The following DZIP1L variants were observed in gnomAD, a reference collection of about 807,000 sequenced individuals.
DZIP1L encodes DAZ interacting zinc finger protein 1 like.
In DZIP1L, 90 loss-of-function variants were observed where a neutral mutation model predicts 88.7. That is an observed-to-expected ratio of 1.02 (90% CI 0.86 to 1.21). DZIP1L has a LOEUF of 1.21. Among genes scored for constraint, DZIP1L ranks in the 50% most tolerant of loss-of-function variants. DZIP1L has a pLI of 0.00. For synonymous variants in DZIP1L, 363 were observed against 372.1 expected (o/e 0.98, Z 0.28); for missense variants, 932 against 955.8 (o/e 0.98, Z 0.33).
chr3:138,077,909 A>C (rs1397292424), intron 10 of DZIP1L, among the ~76,000 whole-genome samples: 1 of 152,180 alleles, frequency 6.6e-6, no homozygotes, highest in African/African-American at 2.4e-5. Flanking sequence ...CCAGGTGATA[A>C]ACTGGTGGAC....
chr3:138,078,156 T>C (rs1377986841), intron 10 of DZIP1L, among the ~76,000 whole-genome samples: 1 of 152,212 alleles, frequency 6.6e-6, no homozygotes, highest in Non-Finnish European at 1.5e-5. Flanking sequence ...AATACTGACC[T>C]GAGGCTAGCA....
intron 2 of DZIP1L, among the ~76,000 whole-genome samples, chr3:138,099,830 G>T (rs1944643844): frequency 6.6e-6 from 1 of 152,136 alleles, no homozygotes; most frequent in African/African-American, 2.4e-5. Context: ...CCCTCATCAG[G>T]TGCCCAGTCT....
intron 1 of DZIP1L, among the ~76,000 whole-genome samples, chr3:138,114,515 G>A (rs924210985): frequency 5.9e-5 from 9 of 152,162 alleles, no homozygotes; most frequent in Non-Finnish European, 1.3e-4. Flanking sequence ...CCTCACATCC[G>A]GGAGGGGGAG....
chr3:138,102,803 A>T, intron 2 of DZIP1L: 2 of 744,496 alleles, frequency 2.7e-6, no homozygotes, highest in Non-Finnish European at 5.0e-6. Context: ...CCCACTCAGG[A>T]GAAGCTCAAG....
At chr3:138,097,683 A>G (rs1391239678) in intron 3 of DZIP1L, 80 bp downstream of exon 3, 1 of 1,320,562 alleles carries the variant, frequency 7.6e-7, no homozygotes, top group African/African-American at 1.5e-5. Flanking sequence ...TGGGTGCTAT[A>G]GGTGGTCACC....
chr3:138,101,646 GC>G (rs1419641915), intron 2 of DZIP1L: 3 of 790,606 alleles, frequency 3.8e-6, no homozygotes, highest in Non-Finnish European at 6.8e-6. Context: ...GGCTTGTGAG[GC>G]CCCCATAGGC....
intron 5 of DZIP1L, chr3:138,088,811 A>G (rs1034927078): frequency 2.1e-5 from 22 of 1,030,026 alleles, no homozygotes; most frequent in Admixed American, 5.5e-5. Flanking sequence ...CTGCTGCCCC[A>G]TTTCTTCCTC....
chr3:138,105,955 C>A (rs1314862996), intron 1 of DZIP1L, among the ~76,000 whole-genome samples: 2 of 151,876 alleles, frequency 1.3e-5, no homozygotes, highest in South Asian at 4.2e-4. Context: ...CACTTTCTAC[C>A]TCTCTGTACT....
At chr3:138,081,348 G>A (rs1943638848) in intron 9 of DZIP1L, among the ~76,000 whole-genome samples, 1 of 152,154 alleles carries the variant, frequency 6.6e-6, no homozygotes, top group African/African-American at 2.4e-5. Context: ...ATTCACATGG[G>A]GTTGGGGTCA....
At chr3:138,070,705 T>A (rs1170511016) in intron 12 of DZIP1L, among the ~76,000 whole-genome samples, 1 of 152,156 alleles carries the variant, frequency 6.6e-6, no homozygotes, top group African/African-American at 2.4e-5. Flanking sequence ...CTCTGCAAAA[T>A]TTTTTTGCAT....
intron 11 of DZIP1L, 129 bp from the exon 12 acceptor site, chr3:138,071,964 G>GT: frequency 1.1e-6 from 1 of 876,686 alleles, no homozygotes. Flanking sequence ...TTGCAGGACT[G>GT]GGGGGCATGA....
At chr3:138,097,192 AAAG>A in intron 3 of DZIP1L, among the ~76,000 whole-genome samples, 1 of 152,140 alleles carries the variant, frequency 6.6e-6, no homozygotes, top group South Asian at 2.1e-4. Flanking sequence ...AAAAAAAAAA[AAAG>A]AAAAGAAAAG....
chr3:138,099,537 T>A (rs1473076794), intron 2 of DZIP1L, among the ~76,000 whole-genome samples: 1 of 152,194 alleles, frequency 6.6e-6, no homozygotes, highest in Non-Finnish European at 1.5e-5. Flanking sequence ...CTACTATTGT[T>A]TGAATGTTTG....
chr3:138,103,811 G>A lies in DZIP1L; in HGVS notation c.161C>T (p.Thr54Ile). Residue 54 changes from threonine (T) to isoleucine (I), a missense_variant, in exon 2 of 16, where the codon ACT becomes ATT. Transcript: ENST00000327532. The part of the protein sequence containing the change: ...DRVARELDVA[T>I]LQENIAGITF... Reference sequence around the variant, plus strand: ...GATGCCAGCAATATTCTCCTGCAGAGTGGCCACATCCAGTTCCCGGGCCAC... The same window carrying A: ...GATGCCAGCAATATTCTCCTGCAGAATGGCCACATCCAGTTCCCGGGCCAC... 1 of 1,614,192 alleles carries A rather than the reference G, an allele frequency of 6.2e-7. No homozygotes were observed. Among genetic ancestry groups the A allele is most frequent in the Non-Finnish European group, 8.5e-7 (1 of 1,180,060 alleles).
chr3:138,075,560 G>A (rs6783222), intron 11 of DZIP1L, among the ~76,000 whole-genome samples: 1,802 of 152,226 alleles, frequency 0.012, 38 homozygotes, highest in African/African-American at 0.041. Context: ...ATAATCGTTG[G>A]GTCAACAACG....
At chr3:138,074,628 T>C (rs1943321003) in intron 11 of DZIP1L, among the ~76,000 whole-genome samples, 1 of 152,016 alleles carries the variant, frequency 6.6e-6, no homozygotes, top group African/African-American at 2.4e-5. Flanking sequence ...GTGCACAACA[T>C]GCAGGTTTGT....
At chr3:138,069,683 C>T (rs952606704) in intron 12 of DZIP1L, among the ~76,000 whole-genome samples, 2 of 152,202 alleles carry the variant, frequency 1.3e-5, no homozygotes, top group African/African-American at 4.8e-5. Context: ...ATTTTCCCTA[C>T]AGAGGCTTGC....
In DZIP1L at chr3:138,103,877, C is replaced by T. The variant is rs748671549; in HGVS notation, c.95G>A (p.Ser32Asn). 6.2e-7 allele frequency: 1 copy of T among 1,614,030 alleles called. No individual in the cohort carries two copies. Among genetic ancestry groups the T allele is most frequent in the South Asian group, 1.1e-5 (1 of 91,084 alleles). The change falls in exon 2 of 16, where the codon AGC becomes AAC. Residue 32 changes from serine (S) to asparagine (N), a missense_variant. Ser to Asn is a conservative substitution (Grantham distance 46). Coordinates refer to ENST00000327532, the MANE Select transcript of DZIP1L (RefSeq NM_173543.3). ...PTFKFQPRHD[S>N]MDWRRISTLD... ...GGTGCTAATGCGTCTCCAGTCCATG[C>T]TATCATGGCGAGGCTGAAACTTGAA...
chr3:138,063,345 G>A lies in DZIP1L; in HGVS notation c.2143-368C>T, dbSNP rs778984235. On this transcript the variant is annotated intron_variant, in intron 15 of 15. Coordinates refer to ENST00000327532, the MANE Select transcript of DZIP1L (RefSeq NM_173543.3). The surrounding 1 kb of genome is among the most constrained non-coding windows in gnomAD (Gnocchi z 4.1). ...CCAGAAACTCGACTGTTCCAAGTTC[G>A]CGAGCTGAATGCACTGTGGGCTAAT... is the stretch of plus-strand genomic sequence containing the variant. 2.8e-4 allele frequency among the ~76,000 whole-genome samples: 42 copies of A among 152,268 alleles called. No homozygotes were observed. In the Middle Eastern group the frequency reaches 0.01, roughly 37 times the overall value.
Sources: allele counts gnomAD v4.1 joint callset (sites outside exome capture counted in the v4.1 genomes callset), GRCh38; gene constraint gnomAD v4.1.1; non-coding constraint Gnocchi (gnomAD v3.1); transcripts MANE v1.5; gene names NCBI Gene and HGNC (gene_info 2026-07-23, HGNC 2026-07-21).